The following PRKG1 variants were observed in gnomAD, a reference collection of about 807,000 sequenced individuals.
The protein encoded by PRKG1 is protein kinase cGMP-dependent 1.
In PRKG1, 35 loss-of-function variants were observed where a neutral mutation model predicts 88.1. The ratio of observed to expected loss-of-function variants is 0.40; its 90% confidence interval spans 0.30 to 0.53. The LOEUF (loss-of-function observed/expected upper bound fraction) is 0.53, where lower values mean the gene tolerates loss of function less well. Among genes scored for constraint, PRKG1 ranks in the 20% least tolerant of loss-of-function variants. The pLI, the probability that PRKG1 is intolerant of heterozygous loss-of-function variation, is 0.59. For synonymous variants in PRKG1, 303 were observed against 292.5 expected (o/e 1.04, Z -0.37); for missense variants, 540 against 839.8 (o/e 0.64, Z 4.41).
chr10:52,142,890 A>G (rs1228086457), intron 8 of PRKG1, among the ~76,000 whole-genome samples: 1 of 152,182 alleles, frequency 6.6e-6, no homozygotes, highest in African/African-American at 2.4e-5. Context: ...GGACAGGACT[A>G]TGTTTATTTG....
rs185938638 is a variant in PRKG1, at chr10:51,122,026, G to A, written c.312-31138G>A. Among the ~76,000 whole-genome samples the A allele has an allele frequency of 2.4e-3, 358 of 152,192 alleles. 2 individuals carry two copies. The highest frequency in any genetic ancestry group is 5.8e-3 in the African/African-American group (239 of 41,514). ...TTCTTGTATTGTACGTACATCTGTCGTACCTTCTGCTGTACCCCTAGCATC... is the reference window on the plus strand; with the variant it reads ...TTCTTGTATTGTACGTACATCTGTCATACCTTCTGCTGTACCCCTAGCATC... On this transcript the variant is annotated intron_variant, in intron 1 of 17. Coordinates refer to ENST00000373980, the MANE Select transcript of PRKG1 (RefSeq NM_006258.4).
chr10:51,940,566 C>T (rs1256304117), intron 5 of PRKG1, among the ~76,000 whole-genome samples: 3 of 151,850 alleles, frequency 2.0e-5, no homozygotes, highest in Non-Finnish European at 4.4e-5. Flanking sequence ...GGCCCTACCT[C>T]TCATGTAGTG....
intron 3 of PRKG1, among the ~76,000 whole-genome samples, chr10:51,673,840 A>G (rs1160855201): frequency 2.0e-5 from 3 of 152,226 alleles, no homozygotes; most frequent in Non-Finnish European, 4.4e-5. Flanking sequence ...ATTTTTAGCC[A>G]TAAGCAGCTA....
chr10:51,523,156 G>GT (rs1332218072), intron 3 of PRKG1, among the ~76,000 whole-genome samples: 1 of 152,078 alleles, frequency 6.6e-6, no homozygotes, highest in Non-Finnish European at 1.5e-5. Flanking sequence ...AAATAGCAAT[G>GT]TTAGGAATCA....
rs543479490 is a variant in PRKG1, at chr10:51,350,997, T to C, written c.479-116726T>C. ...GTTCTCATTGTTCAACTCCTACTTA[T>C]GAGTGAGAACATGTGGTGTTCGGTT... On this transcript the variant is annotated intron_variant, in intron 2 of 17. Transcript: ENST00000373980. Among the ~76,000 whole-genome samples the C allele has an allele frequency of 5.4e-3, 818 of 152,274 alleles. 2 individuals are homozygous for C. Among genetic ancestry groups the C allele is most frequent in the Non-Finnish European group, 9.6e-3 (654 of 68,012 alleles).
At chr10:51,724,433 A>G (rs1008855324) in intron 3 of PRKG1, among the ~76,000 whole-genome samples, 4 of 152,212 alleles carry the variant, frequency 2.6e-5, no homozygotes, top group African/African-American at 9.6e-5. Context: ...ATTTTGGCCA[A>G]TGGATGGCAC....
At chr10:51,937,990 G>A (rs1005780410) in intron 5 of PRKG1, among the ~76,000 whole-genome samples, 4 of 151,962 alleles carry the variant, frequency 2.6e-5, no homozygotes, top group Admixed American at 6.6e-5. Flanking sequence ...GTTAGTCATC[G>A]ACATCGTCCG....
At chr10:52,171,075 G>T (rs1270100493) in intron 9 of PRKG1, among the ~76,000 whole-genome samples, 3 of 149,006 alleles carry the variant, frequency 2.0e-5, no homozygotes, top group South Asian at 2.1e-4. Context: ...GTACACAGGG[G>T]TTGCTGTTTT....
chr10:51,138,533 G>T lies in PRKG1; in HGVS notation c.312-14631G>T, dbSNP rs185800812. Reference sequence around the variant, plus strand: ...TTTCTTGCATGGATTATCCTGTTAGGTTGCTAACAAGTATATTTCCTCAAT... The same window carrying T: ...TTTCTTGCATGGATTATCCTGTTAGTTTGCTAACAAGTATATTTCCTCAAT... On this transcript the variant is annotated intron_variant, in intron 1 of 17. Transcript: ENST00000373980. Among the ~76,000 whole-genome samples the T allele has an allele frequency of 2.7e-3, 416 of 152,136 alleles. 1 individual carries two copies. The highest frequency in any genetic ancestry group is 8.2e-3 in the African/African-American group (340 of 41,510).
chr10:52,095,198 C>A (rs2133330321), intron 7 of PRKG1, among the ~76,000 whole-genome samples: 1 of 152,232 alleles, frequency 6.6e-6, no homozygotes, highest in Admixed American at 6.5e-5. Flanking sequence ...TTAAGCTTTG[C>A]CCCTGTTATT....
At chr10:51,545,569 T>C (rs1441895837) in intron 3 of PRKG1, among the ~76,000 whole-genome samples, 1 of 152,144 alleles carries the variant, frequency 6.6e-6, no homozygotes, top group African/African-American at 2.4e-5. Context: ...TAAAAATAAC[T>C]TACACAGAAG....
intron 1 of PRKG1, among the ~76,000 whole-genome samples, chr10:51,077,268 C>T (rs779382815): frequency 1.3e-4 from 20 of 152,260 alleles, no homozygotes; most frequent in South Asian, 6.2e-4. Context: ...GTGTTTGTGT[C>T]TTTGTATTTC....
chr10:52,268,516 T>G (rs1205701899), intron 10 of PRKG1, among the ~76,000 whole-genome samples: 1 of 152,074 alleles, frequency 6.6e-6, no homozygotes, highest in Admixed American at 6.6e-5. Flanking sequence ...CCAAATCACA[T>G]GCCTAGCATA....
At chr10:51,769,945 G>T (rs1327400047) in intron 3 of PRKG1, among the ~76,000 whole-genome samples, 2 of 152,218 alleles carry the variant, frequency 1.3e-5, no homozygotes, top group African/African-American at 4.8e-5. Context: ...AGTCATCCTG[G>T]GCCGCATGTG....
At chr10:51,954,024 A>G (rs927841803) in intron 5 of PRKG1, among the ~76,000 whole-genome samples, 2 of 152,130 alleles carry the variant, frequency 1.3e-5, no homozygotes, top group African/African-American at 4.8e-5. Context: ...AAGATTTACT[A>G]ATGAATTATT....
chr10:51,567,474 C>T (rs1837636543), intron 3 of PRKG1, among the ~76,000 whole-genome samples: 1 of 152,094 alleles, frequency 6.6e-6, no homozygotes, highest in Non-Finnish European at 1.5e-5. Context: ...GACCACATTA[C>T]CCAGTGGGAG....
At chr10:51,165,394 G>A in intron 2 of PRKG1, among the ~76,000 whole-genome samples, 1 of 151,854 alleles carries the variant, frequency 6.6e-6, no homozygotes, top group African/African-American at 2.4e-5. Flanking sequence ...AGCTCCTGAA[G>A]GAAGCACTAA....
At chr10:52,173,114 A>G (rs1838755643) in intron 9 of PRKG1, among the ~76,000 whole-genome samples, 1 of 152,230 alleles carries the variant, frequency 6.6e-6, no homozygotes, top group Non-Finnish European at 1.5e-5. Context: ...GTCAACAGAA[A>G]ATAGGCTCTT....
At chr10:52,244,090 T>C (rs1840938948) in intron 9 of PRKG1, among the ~76,000 whole-genome samples, 1 of 152,124 alleles carries the variant, frequency 6.6e-6, no homozygotes. Flanking sequence ...TCTATTTCTT[T>C]AAGTTATTCC....
Sources: gnomAD v4.1 joint callset for allele counts (sites outside exome capture counted in the v4.1 genomes callset) on GRCh38, gnomAD v4.1.1 for gene constraint, MANE v1.5 for transcripts, NCBI Gene and HGNC (gene_info 2026-07-23, HGNC 2026-07-21) for gene names.